The following CDKAL1 variants were observed in gnomAD, a reference collection of about 807,000 sequenced individuals.
The protein encoded by CDKAL1 is threonylcarbamoyladenosine tRNA methylthiotransferase.
CDKAL1 carries 32 observed loss-of-function variants against 68.2 expected under a neutral mutation model. The ratio of observed to expected loss-of-function variants is 0.47; its 90% confidence interval spans 0.35 to 0.63. The LOEUF (loss-of-function observed/expected upper bound fraction) is 0.63, where lower values mean the gene tolerates loss of function less well. CDKAL1 is among the 30% of genes least tolerant of loss of function. CDKAL1 has a pLI of 0.00. For synonymous variants in CDKAL1, 234 were observed against 244.3 expected, an observed-to-expected ratio of 0.96 and a Z score of 0.39; for missense variants, 606 against 696.7, an observed-to-expected ratio of 0.87 and a Z score of 1.47.
intron 13 of CDKAL1, among the ~76,000 whole-genome samples, chr6:21,141,011 G>A (rs907060357): frequency 2.6e-5 from 4 of 152,046 alleles, no homozygotes; most frequent in African/African-American, 7.2e-5. Flanking sequence ...AGAATAGCAC[G>A]GGAAAGACCA....
chr6:20,701,914 G>T (rs906089729), intron 5 of CDKAL1, among the ~76,000 whole-genome samples: 6 of 152,172 alleles, frequency 3.9e-5, no homozygotes, highest in Non-Finnish European at 7.3e-5. Flanking sequence ...ATTTTTAAAG[G>T]TCTGGGCAGA....
At chr6:20,973,030 A>G (rs559849411) in intron 10 of CDKAL1, among the ~76,000 whole-genome samples, 1 of 151,692 alleles carries the variant, frequency 6.6e-6, no homozygotes, top group Non-Finnish European at 1.5e-5. Context: ...GTGAGCCGAG[A>G]TCGCGTCATT....
At position 21,105,265 on chromosome 6, in the gene CDKAL1, A is replaced by G. The variant is rs72838004; in HGVS notation, c.1237-3136A>G. ...TCATTAGCCACAGGAACTGTTTCCA[A>G]TCATCTTACTGATACATCTTTGCTC... On this transcript the variant is annotated intron_variant, in intron 12 of 15. Transcript: ENST00000274695. Among the ~76,000 whole-genome samples the G allele has an allele frequency of 4.6e-3, 695 of 152,336 alleles. 1 individual carries two copies. Among genetic ancestry groups the G allele is most frequent in the Non-Finnish European group, 7.8e-3 (532 of 68,032 alleles).
intron 5 of CDKAL1, among the ~76,000 whole-genome samples, chr6:20,710,687 G>C (rs1287454008): frequency 6.6e-6 from 1 of 152,184 alleles, no homozygotes; most frequent in African/African-American, 2.4e-5. Context: ...CTAGGACATA[G>C]TGAAGCTTAC....
At chr6:20,963,499 C>G (rs756786852) in intron 10 of CDKAL1, among the ~76,000 whole-genome samples, 18 of 152,122 alleles carry the variant, frequency 1.2e-4, no homozygotes, top group Non-Finnish European at 2.4e-4. Context: ...TACTACTGAG[C>G]CTTTGTTTGT....
At chr6:21,115,949 A>G (rs1006042799) in intron 13 of CDKAL1, among the ~76,000 whole-genome samples, 3 of 148,476 alleles carry the variant, frequency 2.0e-5, no homozygotes, top group African/African-American at 7.5e-5. Context: ...TTCCTGCTTC[A>G]GCAGAGGGTA....
chr6:20,883,413 G>T, intron 9 of CDKAL1, among the ~76,000 whole-genome samples: 1 of 152,318 alleles, frequency 6.6e-6, no homozygotes, highest in Admixed American at 6.5e-5. Flanking sequence ...CACCTACCTT[G>T]TGTTGTTCCC....
chr6:20,616,608 T>C (rs577935240), intron 4 of CDKAL1, among the ~76,000 whole-genome samples: 6 of 148,616 alleles, frequency 4.0e-5, no homozygotes, highest in Middle Eastern at 6.8e-3. Flanking sequence ...ATAAGAATGC[T>C]TGTGATTTTT....
intron 13 of CDKAL1, among the ~76,000 whole-genome samples, chr6:21,172,289 A>C (rs1362169405): frequency 1.3e-5 from 2 of 152,120 alleles, no homozygotes; most frequent in African/African-American, 4.8e-5. Flanking sequence ...TTCGTACCCC[A>C]AGGGAAAGGA....
intron 12 of CDKAL1, among the ~76,000 whole-genome samples, chr6:21,092,368 T>G (rs1773082062): frequency 6.6e-6 from 1 of 151,876 alleles, no homozygotes; most frequent in South Asian, 2.1e-4. Context: ...ATCTAGGTTT[T>G]AAGCCCCACA....
At chr6:20,687,097 T>C (rs913181424) in intron 5 of CDKAL1, among the ~76,000 whole-genome samples, 4 of 152,226 alleles carry the variant, frequency 2.6e-5, no homozygotes, top group Non-Finnish European at 5.9e-5. Context: ...TGATTTTCTA[T>C]GGATGATTTT....
chr6:21,051,451 C>G (rs1365767876), intron 11 of CDKAL1, among the ~76,000 whole-genome samples: 2 of 152,142 alleles, frequency 1.3e-5, no homozygotes, highest in Non-Finnish European at 2.9e-5. Flanking sequence ...GTGCTGTGAG[C>G]ACATCAGTGA....
chr6:21,230,303 C>T (rs1278206074), intron 15 of CDKAL1, among the ~76,000 whole-genome samples: 2 of 152,122 alleles, frequency 1.3e-5, no homozygotes, highest in African/African-American at 2.4e-5. Context: ...CTGGGACTAC[C>T]GGCACCTGCC....
At chr6:20,735,801 T>C (rs1447418460) in intron 5 of CDKAL1, among the ~76,000 whole-genome samples, 2 of 152,198 alleles carry the variant, frequency 1.3e-5, no homozygotes, top group Admixed American at 6.5e-5. Flanking sequence ...TTAAGTGCTA[T>C]GTAAGTGCTA....
intron 11 of CDKAL1, among the ~76,000 whole-genome samples, chr6:21,020,152 T>G (rs1247611525): frequency 1.3e-5 from 2 of 152,222 alleles, no homozygotes; most frequent in African/African-American, 2.4e-5. Context: ...TTAACATGAT[T>G]ATGAGCATGT....
intron 13 of CDKAL1, among the ~76,000 whole-genome samples, chr6:21,175,548 T>G (rs886405061): frequency 2.0e-5 from 3 of 152,178 alleles, no homozygotes; most frequent in Non-Finnish European, 4.4e-5. Flanking sequence ...AGCTTCTACT[T>G]TTTCTTCCAC....
At chr6:20,640,452 C>T (rs1253912017) in intron 4 of CDKAL1, among the ~76,000 whole-genome samples, 4 of 152,164 alleles carry the variant, frequency 2.6e-5, no homozygotes, top group South Asian at 2.1e-4. Context: ...AGGGCAGATT[C>T]GTAGTTGTGA....
chr6:20,976,463 C>T (rs1765851631), intron 10 of CDKAL1, among the ~76,000 whole-genome samples: 1 of 152,164 alleles, frequency 6.6e-6, no homozygotes, highest in Non-Finnish European at 1.5e-5. Flanking sequence ...TGACTTTCAT[C>T]TAGATCTTAA....
At position 20,740,080 on chromosome 6, in the gene CDKAL1, AATT is replaced by A. The variant is rs199626874; in HGVS notation, c.468+469_468+471del. Among the ~76,000 whole-genome samples the A allele has an allele frequency of 4.7e-3, 718 of 152,210 alleles. 3 individuals carry two copies. Among genetic ancestry groups the A allele is most frequent in the African/African-American group, 0.017 (690 of 41,524 alleles). ...CTGCCTACTCCGTGTAGTCCACCAT[AATT>A]ATTCTCTCTAGTTTCTCTTTGCTTA... is the stretch of plus-strand genomic sequence containing the variant. On this transcript the variant is annotated intron_variant, in intron 6 of 15. Transcript: ENST00000274695.
Sources: allele counts gnomAD v4.1 joint callset (sites outside exome capture counted in the v4.1 genomes callset), GRCh38; gene constraint gnomAD v4.1.1; transcripts MANE v1.5; gene names NCBI Gene and HGNC (gene_info 2026-07-23, HGNC 2026-07-21).